Variants in DAB1 observed in about 807,000 individuals in gnomAD.
The protein encoded by DAB1 is DAB adaptor protein 1.
DAB1 carries 15 observed loss-of-function variants against 64.6 expected under a neutral mutation model. That is an observed-to-expected ratio of 0.23 (90% CI 0.16 to 0.36). DAB1 has a LOEUF of 0.36. DAB1 is among the 10% of genes least tolerant of loss of function. DAB1 has a pLI of 1.00. For missense variants in DAB1, 596 were observed against 706.7 expected (o/e 0.84, Z 1.78); for synonymous variants, 235 against 251.9 (o/e 0.93, Z 0.64).
intron 2 of DAB1, among the ~76,000 whole-genome samples, chr1:58,517,144 T>A (rs367776029): frequency 4.9e-4 from 75 of 152,230 alleles, no homozygotes; most frequent in African/African-American, 1.5e-3. Context: ...ACAAAACAGA[T>A]TTGAAGAGGT....
intron 1 of DAB1, among the ~76,000 whole-genome samples, chr1:57,404,497 C>T (rs2101039756): frequency 6.6e-6 from 1 of 152,308 alleles, no homozygotes; most frequent in Non-Finnish European, 1.5e-5. Flanking sequence ...CCATGCTGGT[C>T]TGACCTCAAA....
intron 6 of DAB1, among the ~76,000 whole-genome samples, chr1:57,707,239 A>C (rs1487230406): frequency 6.6e-6 from 1 of 152,200 alleles, no homozygotes; most frequent in Admixed American, 6.5e-5. Flanking sequence ...TTGAGAATTT[A>C]TAAATGGAAT....
At chr1:58,511,433 A>G (rs1646075115) in intron 2 of DAB1, among the ~76,000 whole-genome samples, 1 of 152,142 alleles carries the variant, frequency 6.6e-6, no homozygotes, top group Non-Finnish European at 1.5e-5. Flanking sequence ...GGATTGCTTG[A>G]GACCAGGAGT....
chr1:57,623,668 A>AG (rs781610635), intron 7 of DAB1, among the ~76,000 whole-genome samples: 1 of 152,184 alleles, frequency 6.6e-6, no homozygotes, highest in Non-Finnish European at 1.5e-5. Context: ...CAAGGCCTGC[A>AG]GACAGGCTTC....
At chr1:57,277,350 C>T (rs1314656676) in intron 2 of DAB1, among the ~76,000 whole-genome samples, 1 of 152,142 alleles carries the variant, frequency 6.6e-6, no homozygotes, top group Non-Finnish European at 1.5e-5. Context: ...AATGCCTGTA[C>T]ATTAGTCTTC....
intron 7 of DAB1, chr1:57,649,474 G>A (rs1487369974): frequency 1.3e-5 from 2 of 152,096 alleles, no homozygotes; most frequent in Non-Finnish European, 2.9e-5. Flanking sequence ...GTTTTAAGAA[G>A]GAATACAAAA....
In DAB1 at chr1:57,038,942, C is replaced by T. The variant is rs555449973; in HGVS notation, c.724-12899G>A. On this transcript the variant is annotated intron_variant, in intron 9 of 14. Transcript: ENST00000371236. ...CTAAGCTGACCTGAACGGGCTAACGCAAATGACAGGGCATAGCTGTGGGTA... is the reference window on the plus strand; with the variant it reads ...CTAAGCTGACCTGAACGGGCTAACGTAAATGACAGGGCATAGCTGTGGGTA... Among the ~76,000 whole-genome samples the T allele has an allele frequency of 1.1e-4, 16 of 152,316 alleles. No individual in the cohort carries two copies. The South Asian group carries it at 3.1e-3, about 30-fold the overall frequency.
chr1:58,440,685 A>C (rs1335894486), intron 3 of DAB1, among the ~76,000 whole-genome samples: 1 of 152,222 alleles, frequency 6.6e-6, no homozygotes, highest in Non-Finnish European at 1.5e-5. Context: ...AATTCTCACT[A>C]AGTGGCAGGC....
At chr1:58,540,058 G>C (rs1190894561) in intron 1 of DAB1, among the ~76,000 whole-genome samples, 2 of 152,076 alleles carry the variant, frequency 1.3e-5, no homozygotes, top group South Asian at 4.1e-4. Flanking sequence ...AGATTGCAGG[G>C]AATAATATAC....
intron 1 of DAB1, among the ~76,000 whole-genome samples, chr1:57,306,579 A>G (rs1232468709): frequency 6.6e-6 from 1 of 150,404 alleles, no homozygotes. Flanking sequence ...CACTCCCACA[A>G]GAAATCCCCC....
chr1:58,201,887 TAACAA>T (rs1658018265), intron 4 of DAB1, among the ~76,000 whole-genome samples: 1 of 152,078 alleles, frequency 6.6e-6, no homozygotes, highest in South Asian at 2.1e-4. Context: ...GATGTACAGG[TAACAA>T]ACCTGATAGG....
chr1:57,204,918 A>G (rs1372315539), intron 2 of DAB1, among the ~76,000 whole-genome samples: 1 of 152,196 alleles, frequency 6.6e-6, no homozygotes, highest in Non-Finnish European at 1.5e-5. Flanking sequence ...AAATACCAAT[A>G]GCAATACTAA....
At chr1:58,451,380 A>G (rs967682311) in intron 3 of DAB1, among the ~76,000 whole-genome samples, 3 of 152,246 alleles carry the variant, frequency 2.0e-5, no homozygotes, top group Non-Finnish European at 2.9e-5. Context: ...GGCGTGAGCC[A>G]CTGAGCCCAT....
rs184407291 is a variant in DAB1 at position 57,184,983 on chromosome 1, C to T, written c.68-39554G>A. Among the ~76,000 whole-genome samples, 9 of 152,208 alleles carry T rather than the reference C, an allele frequency of 5.9e-5. No homozygotes were observed. The East Asian group carries it at 1.2e-3, about 20-fold the overall frequency. ...ATGGACAAACAGGGATCACAACATT[C>T]GTAAACTCACTGACTCTCATCCTGA... On this transcript the variant is annotated intron_variant, in intron 2 of 14. Coordinates refer to ENST00000371236, the MANE Select transcript of DAB1 (RefSeq NM_001365792.1).
In DAB1 at chr1:57,069,405, T is replaced by C. The variant is rs1475186996; in HGVS notation, c.618A>G (p.Gly206=). The part of the protein sequence containing the change: ...PVYQYIVFEA[G]HEPIRDPETE... ...TTTCGGGATCACGGATTGGCTCGTG[T>C]CCAGCCTCAAACACAATGTACTATT... Residue 206 remains glycine (G), a synonymous_variant, in exon 8 of 15, where the codon GGA becomes GGG. Coordinates refer to ENST00000371236, the MANE Select transcript of DAB1 (RefSeq NM_001365792.1). 15 of 1,613,478 alleles carry C rather than the reference T, an allele frequency of 9.3e-6. No individual in the cohort carries two copies. Among genetic ancestry groups the C allele is most frequent in the Non-Finnish European group, 1.2e-5 (14 of 1,179,586 alleles).
intron 4 of DAB1, among the ~76,000 whole-genome samples, chr1:57,127,935 G>A (rs1657284475): frequency 1.3e-5 from 2 of 152,042 alleles, no homozygotes; most frequent in Non-Finnish European, 2.9e-5. Flanking sequence ...ATCACCTGAG[G>A]TCAGGAGTTC....
chr1:58,253,542 GAT>G (rs1158350342), intron 4 of DAB1, among the ~76,000 whole-genome samples: 1 of 152,210 alleles, frequency 6.6e-6, no homozygotes, highest in Non-Finnish European at 1.5e-5. Context: ...CATCACCACT[GAT>G]AAAAATCAGC....
downstream of DAB1, among the ~76,000 whole-genome samples, chr1:57,825,353 G>GAT (rs1553132889): frequency 6.6e-6 from 1 of 152,164 alleles, no homozygotes; most frequent in East Asian, 1.9e-4. Flanking sequence ...GACCCTTCAG[G>GAT]ATAGTTACTT....
At chr1:58,533,849 C>CT in intron 1 of DAB1, 1 of 738,060 alleles carries the variant, frequency 1.4e-6, no homozygotes, top group South Asian at 1.5e-5. Flanking sequence ...AACTAAAAGT[C>CT]TATCATTTTT....
Sources: gnomAD v4.1 joint callset for allele counts (sites outside exome capture counted in the v4.1 genomes callset) on GRCh38, gnomAD v4.1.1 for gene constraint, MANE v1.5 for transcripts, NCBI Gene and HGNC (gene_info 2026-07-23, HGNC 2026-07-21) for gene names.